AP3B1: variants seen among roughly 807,000 people sequenced by gnomAD.
AP3B1 encodes adaptor related protein complex 3 subunit beta 1, also known as AP-3 complex subunit beta-1.
AP3B1 carries 61 observed loss-of-function variants against 132.5 expected under a neutral mutation model. The ratio of observed to expected loss-of-function variants is 0.46; its 90% CI spans 0.37 to 0.57. The LOEUF (loss-of-function observed/expected upper bound fraction) is 0.57. Ranked by LOEUF, AP3B1 falls within the 20% of genes least tolerant of loss-of-function variation. The pLI, the probability that AP3B1 is intolerant of heterozygous loss-of-function variation, is 0.00. For missense variants in AP3B1, 1,120 were observed against 1,289.4 expected (o/e 0.87, Z 2.01); for synonymous variants, 388 against 438.3 (o/e 0.89, Z 1.43).
At chr5:78,260,451 G>T (rs1460619248) in intron 2 of AP3B1, among the ~76,000 whole-genome samples, 1 of 152,004 alleles carries the variant, frequency 6.6e-6, no homozygotes, top group Non-Finnish European at 1.5e-5. Context: ...AAAATTAGCG[G>T]GGCATGGTGA....
intron 3 of AP3B1, among the ~76,000 whole-genome samples, chr5:78,233,237 C>CTT (rs71613940): frequency 0.26 from 36,764 of 139,144 alleles, 5,073 homozygotes; most frequent in Middle Eastern, 0.32. Flanking sequence ...TTTCTTTTTT[C>CTT]TTTTTTTTTT....
At chr5:78,094,447 T>G (rs1206229169) in intron 21 of AP3B1, among the ~76,000 whole-genome samples, 1 of 152,132 alleles carries the variant, frequency 6.6e-6, no homozygotes, top group Non-Finnish European at 1.5e-5. Context: ...ATTAAAAGCA[T>G]AGGACTAATA....
chr5:78,059,090 C>T (rs1292963650), intron 22 of AP3B1, among the ~76,000 whole-genome samples: 1 of 152,218 alleles, frequency 6.6e-6, no homozygotes, highest in African/African-American at 2.4e-5. Context: ...GATTGGAGGT[C>T]ATTCTGGATT....
At chr5:78,067,049 A>G (rs1165593241) in intron 22 of AP3B1, among the ~76,000 whole-genome samples, 1 of 152,190 alleles carries the variant, frequency 6.6e-6, no homozygotes, top group African/African-American at 2.4e-5. Flanking sequence ...CCAGAATTTC[A>G]TATCTGGCCA....
At chr5:78,031,595 T>C (rs528931831) in intron 24 of AP3B1, among the ~76,000 whole-genome samples, 40 of 152,306 alleles carry the variant, frequency 2.6e-4, no homozygotes, top group African/African-American at 3.9e-4. Flanking sequence ...AGGGGTAAGA[T>C]TGGGGAACTA....
chr5:78,133,253 T>C (rs1324524849), intron 15 of AP3B1, among the ~76,000 whole-genome samples: 1 of 152,190 alleles, frequency 6.6e-6, no homozygotes, highest in Non-Finnish European at 1.5e-5. Context: ...GTATACTTCA[T>C]TTATCAGCAC....
chr5:78,234,993 G>GGT, intron 3 of AP3B1, among the ~76,000 whole-genome samples: 1 of 151,822 alleles, frequency 6.6e-6, no homozygotes, highest in African/African-American at 2.4e-5. Context: ...TGTGGGGAGG[G>GGT]GTGTGTGTGT....
chr5:78,077,773 T>C (rs1561390821), intron 22 of AP3B1, among the ~76,000 whole-genome samples: 2 of 152,196 alleles, frequency 1.3e-5, no homozygotes, highest in Non-Finnish European at 2.9e-5. Context: ...AAGAGATCTT[T>C]GTCACCCAGG....
intron 8 of AP3B1, among the ~76,000 whole-genome samples, chr5:78,180,465 A>G (rs12153651): frequency 0.18 from 27,911 of 151,978 alleles, 2,842 homozygotes; most frequent in Admixed American, 0.27. Context: ...TAGGTATAGC[A>G]AACAAAATAA....
At chr5:78,109,775 T>C (rs1751493350) in intron 20 of AP3B1, among the ~76,000 whole-genome samples, 1 of 152,156 alleles carries the variant, frequency 6.6e-6, no homozygotes, top group Admixed American at 6.5e-5. Flanking sequence ...TGTTTTTAAA[T>C]AAATGGCTAC....
At chr5:78,110,779 T>C (rs1424256353) in intron 19 of AP3B1, among the ~76,000 whole-genome samples, 1 of 147,740 alleles carries the variant, frequency 6.8e-6, no homozygotes, top group Non-Finnish European at 1.5e-5. Flanking sequence ...TATATACGTA[T>C]ATATATACGT....
At chr5:78,091,138 A>G (rs994326192) in intron 21 of AP3B1, among the ~76,000 whole-genome samples, 16 of 152,130 alleles carry the variant, frequency 1.1e-4, no homozygotes, top group African/African-American at 3.9e-4. Context: ...CACAATATCC[A>G]GTGAACAAGG....
At chr5:78,056,056 C>T (rs892314420) in intron 22 of AP3B1, among the ~76,000 whole-genome samples, 1 of 152,160 alleles carries the variant, frequency 6.6e-6, no homozygotes, top group African/African-American at 2.4e-5. Flanking sequence ...ACCTTCAGTA[C>T]CAAAATGACA....
chr5:78,290,782 C>G (rs2112599915), intron 1 of AP3B1, among the ~76,000 whole-genome samples: 3 of 152,110 alleles, frequency 2.0e-5, no homozygotes, highest in Admixed American at 2.0e-4. Flanking sequence ...GACCCCATCT[C>G]TACAATAAAT....
chr5:78,007,145 G>C (rs528579285), intron 26 of AP3B1, among the ~76,000 whole-genome samples: 11 of 152,222 alleles, frequency 7.2e-5, no homozygotes, highest in African/African-American at 2.6e-4. Context: ...TTTGTTAGAA[G>C]GAAAAGAAAT....
intron 22 of AP3B1, chr5:78,043,766 A>G: frequency 2.6e-6 from 1 of 382,928 alleles, no homozygotes. Context: ...GCAGCACCAA[A>G]CTGCCCAATC....
At chr5:78,121,275 T>C (rs1224461020) in intron 17 of AP3B1, among the ~76,000 whole-genome samples, 2 of 151,628 alleles carry the variant, frequency 1.3e-5, no homozygotes, top group African/African-American at 4.9e-5. Flanking sequence ...AACATCACAA[T>C]TAAAAGAACT....
At position 78,254,794 on chromosome 5, in the gene AP3B1, T is replaced by C. The variant is rs542504715; in HGVS notation, c.204+12726A>G. Among the ~76,000 whole-genome samples, 37 of 152,164 alleles carry C rather than the reference T, an allele frequency of 2.4e-4. No individual in the cohort carries two copies. In the South Asian group the frequency reaches 6.0e-3, roughly 25 times the overall value. ...GTAATAGTAAGTACACAGAAAAACA[T>C]AGAATATTATAAAACTGTAGCTGTG... On this transcript the variant is annotated intron_variant, in intron 2 of 26. Transcript: ENST00000255194.
intron 1 of AP3B1, among the ~76,000 whole-genome samples, chr5:78,291,353 T>C (rs891779005): frequency 4.4e-5 from 6 of 137,848 alleles, no homozygotes; most frequent in African/African-American, 1.6e-4. Flanking sequence ...TTGTTAAATG[T>C]AGAAGTGGTC....
Sources: gnomAD v4.1 joint callset for allele counts (sites outside exome capture counted in the v4.1 genomes callset) on GRCh38, gnomAD v4.1.1 for gene constraint, MANE v1.5 for transcripts, NCBI Gene and HGNC (gene_info 2026-07-23, HGNC 2026-07-21) for gene names.